PKD2L1: variants seen among roughly 807,000 people sequenced by gnomAD.
PKD2L1 encodes polycystin 2 like 1, transient receptor potential cation channel.
Under a neutral mutation model 93.0 loss-of-function variants are expected in PKD2L1, and 77 were observed. The observed-to-expected ratio is 0.83, with a 90% CI of 0.69 to 1.00. The LOEUF is 1.00. PKD2L1 is among the 50% of genes least tolerant of loss of function. PKD2L1 has a pLI of 0.00. For synonymous variants in PKD2L1, 390 were observed against 388.0 expected (o/e 1.01, Z -0.06); for missense variants, 977 against 990.9 (o/e 0.99, Z 0.19).
At chr10:100,311,888 A>C (rs990193396) in intron 2 of PKD2L1, among the ~76,000 whole-genome samples, 1 of 152,166 alleles carries the variant, frequency 6.6e-6, no homozygotes, top group African/African-American at 2.4e-5. Flanking sequence ...TCAAAAGTCA[A>C]CTGTTCCTTC....
rs568650461 is a variant in PKD2L1 at position 100,290,454 on chromosome 10, C to T, written c.2073G>A (p.Ser691=). 58 of 1,613,774 alleles carry T rather than the reference C, an allele frequency of 3.6e-5. No homozygotes were observed. The Admixed American group carries it at 5.2e-4, about 14-fold the overall frequency. Residue 691 remains serine, a synonymous_variant, in exon 13 of 16, where the codon TCG becomes TCA. Transcript: ENST00000318222. The part of the protein sequence containing the change: ...RSIVSSPQGK[S]GPEAARAGGW... The stretch of plus-strand genomic sequence containing the variant: ...CTCCTGCTCTGGCAGCCTCTGGACC[C>T]GATTTGCCTTGTGGGCTGCTCACAA...
chr10:100,294,409 T>C (rs915184099), intron 9 of PKD2L1, 126 bp downstream of exon 9: 2 of 990,956 alleles, frequency 2.0e-6, no homozygotes, highest in African/African-American at 1.6e-5. Flanking sequence ...GATCCAGACA[T>C]CGGCCCCCCC....
chr10:100,288,353 G>A lies in PKD2L1; in HGVS notation c.*43C>T. ...TCAGTGGACCAGGAGGCAGCCTCTT[G>A]CAGAAGATCCTTCATAGACTTTGCT... On this transcript the variant is annotated 3_prime_UTR_variant, in exon 16 of 16. Coordinates refer to ENST00000318222, the MANE Select transcript of PKD2L1 (RefSeq NM_016112.3). The A allele has an allele frequency of 7.7e-7, 1 of 1,294,674 alleles. No homozygotes were observed. The highest frequency in any genetic ancestry group is 1.1e-6 in the Non-Finnish European group (1 of 889,060). The allele number at this position is 1,294,674 out of a possible 1,614,324, so 80.2% of individuals were successfully genotyped here. A position where few individuals can be genotyped will look rare whatever the true frequency, so the allele number is the denominator to read the frequency against.
chr10:100,294,500 C>G (rs1359228691), intron 9 of PKD2L1, 35 bp downstream of exon 9: 6 of 1,613,138 alleles, frequency 3.7e-6, no homozygotes, highest in Non-Finnish European at 5.1e-6. Flanking sequence ...ACCCTGCAGG[C>G]TCTCTATGTC....
Position 100,314,968 on chromosome 10 carries a change from AAG to A in PKD2L1, c.349+14241_349+14242del, listed in dbSNP as rs1564890984. On this transcript the variant is annotated intron_variant, in intron 2 of 15. Coordinates refer to ENST00000318222, the MANE Select transcript of PKD2L1 (RefSeq NM_016112.3). ...AAAAGAAAGAAAGAAAGAAAGAAGGAAGGAAGGAAGGAAGGAAGGAAGGAAGG... is the reference window on the plus strand; with the variant it reads ...AAAAGAAAGAAAGAAAGAAAGAAGGAGAAGGAAGGAAGGAAGGAAGGAAGG... Among the ~76,000 whole-genome samples the A allele has an allele frequency of 4.3e-3, 57 of 13,392 alleles. 1 individual carries two copies. Among genetic ancestry groups the A allele is most frequent in the Non-Finnish European group, 6.2e-3 (47 of 7,534 alleles). 8.8% of individuals were successfully genotyped at this position (13,392 alleles called of 152,430 possible). A position where few individuals can be genotyped will look rare whatever the true frequency, so the allele number is the denominator to read the frequency against.
chr10:100,328,591 C>CT (rs10685467), intron 2 of PKD2L1, among the ~76,000 whole-genome samples: 17,287 of 146,884 alleles, frequency 0.12, 2,126 homozygotes, highest in African/African-American at 0.3. Context: ...GTTTTCCACT[C>CT]TTTTTTTTTT....
intron 2 of PKD2L1, among the ~76,000 whole-genome samples, chr10:100,325,975 G>T (rs139067351): frequency 2.0e-5 from 3 of 152,160 alleles, no homozygotes; most frequent in Non-Finnish European, 4.4e-5. Context: ...CCACATAGTC[G>T]ACTTCAGAGC....
rs189676833 is a variant in PKD2L1 at position 100,294,484 on chromosome 10, A to C, written c.1659+51T>G. On this transcript the variant is annotated intron_variant, in intron 9 of 15. Transcript: ENST00000318222. ...TGAGTGAGGGACATACTAGGACCAA[A>C]ACTCCACCCTGCAGGCTCTCTATGT... 129 of 1,609,766 alleles carry C rather than the reference A, an allele frequency of 8.0e-5. 1 individual carries two copies. The East Asian group carries it at 2.8e-3, about 35-fold the overall frequency.
chr10:100,298,292 G>A (rs901871230), intron 4 of PKD2L1, among the ~76,000 whole-genome samples: 2 of 152,176 alleles, frequency 1.3e-5, no homozygotes, highest in Admixed American at 6.5e-5. Flanking sequence ...GAAGGACTAC[G>A]TGCAAGGTAG....
chr10:100,306,770 T>A (rs1166704267), intron 2 of PKD2L1, among the ~76,000 whole-genome samples: 4 of 142,874 alleles, frequency 2.8e-5, no homozygotes, highest in Non-Finnish European at 6.0e-5. Context: ...GGCAGGAAGA[T>A]CACCCGAGCC....
chr10:100,326,279 C>T (rs1456436135), intron 2 of PKD2L1, among the ~76,000 whole-genome samples: 5 of 152,168 alleles, frequency 3.3e-5, no homozygotes, highest in Non-Finnish European at 5.9e-5. Flanking sequence ...CATGATCGGC[C>T]CCTTCTTATA....
chr10:100,314,982 GGAA>G (rs1849043672), intron 2 of PKD2L1, among the ~76,000 whole-genome samples: 1 of 7,988 alleles, frequency 1.3e-4, no homozygotes, highest in Non-Finnish European at 2.7e-4. Context: ...AAGGAAGGAA[GGAA>G]GGAAGGAAGG....
chr10:100,314,323 A>C (rs17112923), intron 2 of PKD2L1, among the ~76,000 whole-genome samples: 8,210 of 152,234 alleles, frequency 0.054, 719 homozygotes, highest in African/African-American at 0.19. Flanking sequence ...GACATGGAAA[A>C]GCCTGTGAGA....
chr10:100,300,537 A>G (rs1017459607), intron 2 of PKD2L1, among the ~76,000 whole-genome samples: 11 of 152,228 alleles, frequency 7.2e-5, no homozygotes, highest in Non-Finnish European at 5.9e-5. Context: ...AGTATAAGTC[A>G]TTTATTTAAC....
chr10:100,325,990 C>G (rs967912619), intron 2 of PKD2L1, among the ~76,000 whole-genome samples: 3 of 152,190 alleles, frequency 2.0e-5, no homozygotes, highest in Non-Finnish European at 2.9e-5. Context: ...CAGAGCCTCA[C>G]TGCTTAACCA....
chr10:100,305,399 C>T (rs999612230), intron 2 of PKD2L1, among the ~76,000 whole-genome samples: 3 of 152,168 alleles, frequency 2.0e-5, no homozygotes, highest in South Asian at 4.1e-4. Context: ...CAGGCTTGCA[C>T]CACCACACCC....
chr10:100,317,818 C>T (rs918470368), intron 2 of PKD2L1, among the ~76,000 whole-genome samples: 1 of 151,336 alleles, frequency 6.6e-6, no homozygotes, highest in Admixed American at 6.6e-5. Context: ...TGGTGCCTCA[C>T]ACCTGTAATC....
chr10:100,288,581 C>A (rs947635429), intron 15 of PKD2L1, 103 bp from the exon 16 acceptor site: 6 of 755,668 alleles, frequency 7.9e-6, no homozygotes, highest in African/African-American at 6.9e-5. Context: ...ATCTAGATAC[C>A]GCCTACTCTC....
At chr10:100,303,923 T>C (rs1179620495) in intron 2 of PKD2L1, among the ~76,000 whole-genome samples, 1 of 152,244 alleles carries the variant, frequency 6.6e-6, no homozygotes, top group African/African-American at 2.4e-5. Context: ...TACTCATTGC[T>C]ACAGCTTTTC....
Sources: gnomAD v4.1 joint callset for allele counts (sites outside exome capture counted in the v4.1 genomes callset) on GRCh38, gnomAD v4.1.1 for gene constraint, MANE v1.5 for transcripts, NCBI Gene and HGNC (gene_info 2026-07-23, HGNC 2026-07-21) for gene names.